OR1L8: variants seen among roughly 807,000 people sequenced by gnomAD.
The protein encoded by OR1L8 is olfactory receptor 1L8.
For missense variants in OR1L8, 330 were observed against 377.4 expected, an observed-to-expected ratio of 0.87 and a Z score of 1.04; for synonymous variants, 148 against 147.0, an observed-to-expected ratio of 1.01 and a Z score of -0.05.
the OR1L8 span, among the ~76,000 whole-genome samples, chr9:122,552,909 A>T: frequency 6.7e-6 from 1 of 149,136 alleles, no homozygotes; most frequent in Non-Finnish European, 1.5e-5. Context: ...ACTTCCTCTA[A>T]ATAGCCCATG....
At chr9:122,565,693 A>G (rs1829418170), downstream of OR1L8, among the ~76,000 whole-genome samples, 1 of 152,250 alleles carries the variant, frequency 6.6e-6, no homozygotes, top group Non-Finnish European at 1.5e-5. Context: ...AATACCTGAC[A>G]GGTAGTTTTT....
At chr9:122,579,369 A>G (rs1217143613) in intron 1 of OR1L8, among the ~76,000 whole-genome samples, 1 of 152,130 alleles carries the variant, frequency 6.6e-6, no homozygotes, top group Non-Finnish European at 1.5e-5. Context: ...ATTTTGCACT[A>G]ACTTTTTAAG....
chr9:122,563,548 C>T (rs1829385210), downstream of OR1L8, among the ~76,000 whole-genome samples: 1 of 152,190 alleles, frequency 6.6e-6, no homozygotes, highest in African/African-American at 2.4e-5. Flanking sequence ...AATATTTTCT[C>T]CCATCCTGTA....
At chr9:122,575,702 T>A (rs1748530829) in intron 3 of OR1L8, among the ~76,000 whole-genome samples, 1 of 152,198 alleles carries the variant, frequency 6.6e-6, no homozygotes, top group Non-Finnish European at 1.5e-5. Flanking sequence ...GTAAAGTGGT[T>A]ATTATTATGA....
Position 122,567,613 on chromosome 9 carries a change from T to A in OR1L8, c.865A>T (p.Ile289Phe). Residue 289 changes from isoleucine (I) to phenylalanine (F), a missense_variant, in exon 5 of 5, where the codon ATC (isoleucine) becomes TTC (phenylalanine). Transcript: ENST00000641027. ...AGGTCTTTGTTTCTCAGGCTGTAGA[T>A]AAAAGGATTGAGCATGGATGACAAA... ...TVLSSMLNPFIYSLRNKDLKQ... is the reference protein window; with the variant it reads ...TVLSSMLNPFFYSLRNKDLKQ... 6.2e-7 allele frequency: 1 copy of A among 1,613,252 alleles called. No homozygotes were observed. Among genetic ancestry groups the A allele is most frequent in the Non-Finnish European group, 8.5e-7 (1 of 1,179,760 alleles).
At chr9:122,553,403 C>G in the OR1L8 span, 2 of 1,614,058 alleles carry the variant, frequency 1.2e-6, no homozygotes, top group Admixed American at 1.7e-5. Context: ...CCATGTACTT[C>G]TTTCTGGCCA....
chr9:122,581,869 G>A (rs1391593903), intron 1 of OR1L8, among the ~76,000 whole-genome samples: 1 of 151,996 alleles, frequency 6.6e-6, no homozygotes, highest in East Asian at 1.9e-4. Flanking sequence ...CCGAGATCAC[G>A]ACACTGCACT....
chr9:122,555,245 G>A, the OR1L8 span, among the ~76,000 whole-genome samples: 2 of 152,146 alleles, frequency 1.3e-5, no homozygotes, highest in African/African-American at 4.8e-5. Flanking sequence ...TGCCCTTTTG[G>A]TGTTGTACAA....
chr9:122,564,119 G>C (rs1317566738), downstream of OR1L8, among the ~76,000 whole-genome samples: 2 of 152,118 alleles, frequency 1.3e-5, no homozygotes, highest in Non-Finnish European at 2.9e-5. Flanking sequence ...CTGGACACTG[G>C]CTCTCAACTG....
the OR1L8 span, among the ~76,000 whole-genome samples, chr9:122,550,098 G>A: frequency 2.0e-5 from 3 of 151,950 alleles, no homozygotes; most frequent in African/African-American, 7.2e-5. Context: ...TATAATCCTA[G>A]GTATCATCAG....
At chr9:122,549,848 T>A in the OR1L8 span, among the ~76,000 whole-genome samples, 1 of 152,196 alleles carries the variant, frequency 6.6e-6, no homozygotes, top group South Asian at 2.1e-4. Context: ...ATTTGTGATC[T>A]TTTTTGGTTC....
In OR1L8 at chr9:122,567,611, G is replaced by A; in HGVS notation, c.867C>T (p.Ile289=). 1.2e-6 allele frequency: 2 copies of A among 1,613,094 alleles called. No individual in the cohort carries two copies. Among genetic ancestry groups the A allele is most frequent in the Non-Finnish European group, 1.7e-6 (2 of 1,179,678 alleles). The change falls in exon 5 of 5, where the codon ATC becomes ATT. Residue 289 remains isoleucine, a synonymous_variant. Transcript: ENST00000641027. ...TCAGGTCTTTGTTTCTCAGGCTGTA[G>A]ATAAAAGGATTGAGCATGGATGACA... is the stretch of plus-strand genomic sequence containing the variant. ...TVLSSMLNPF[I]YSLRNKDLKQ... is the part of the protein sequence containing the mutation.
rs1465612761 is a variant in OR1L8 at position 122,568,467 on chromosome 9, A to G, written c.11T>C (p.Ile4Thr). 1.9e-6 allele frequency: 3 copies of G among 1,572,406 alleles called. No individual in the cohort carries two copies. The highest frequency in any genetic ancestry group is 2.6e-6 in the Non-Finnish European group (3 of 1,158,390). Residue 4 changes from isoleucine to threonine, a missense_variant, in exon 5 of 5, where the codon ATC (isoleucine) becomes ACC (threonine). By Grantham distance (89) the Ile-to-Thr change is moderately conservative. Coordinates refer to ENST00000641027, the MANE Select transcript of OR1L8 (RefSeq NM_001004454.2). Reference protein sequence around the residue: MERINHTSSVSEFI... With the variant: MERTNHTSSVSEFI... ...CTCGGAGACACTGCTGGTGTGGTTG[A>G]TTCTTTCCATTGACTTGGGCTCAGT...
At chr9:122,555,417 G>A in the OR1L8 span, among the ~76,000 whole-genome samples, 1 of 152,154 alleles carries the variant, frequency 6.6e-6, no homozygotes, top group Non-Finnish European at 1.5e-5. Flanking sequence ...CCTTGAATTA[G>A]GTGACTTGGC....
the OR1L8 span, among the ~76,000 whole-genome samples, chr9:122,559,210 TA>T: frequency 6.6e-6 from 1 of 152,166 alleles, no homozygotes; most frequent in Non-Finnish European, 1.5e-5. Context: ...CCACTCCTCC[TA>T]AATCTTCAGC....
intron 3 of OR1L8, among the ~76,000 whole-genome samples, chr9:122,573,497 G>A (rs1056348427): frequency 6.6e-6 from 1 of 152,206 alleles, no homozygotes; most frequent in African/African-American, 2.4e-5. Context: ...CAGATGACAT[G>A]AGATGGAGCA....
chr9:122,547,487 G>A, the OR1L8 span, among the ~76,000 whole-genome samples: 1 of 152,014 alleles, frequency 6.6e-6, no homozygotes, highest in African/African-American at 2.4e-5. Context: ...CCAGAATATG[G>A]TACATTGTAC....
chr9:122,555,837 G>A, the OR1L8 span, among the ~76,000 whole-genome samples: 1 of 152,168 alleles, frequency 6.6e-6, no homozygotes, highest in Non-Finnish European at 1.5e-5. Flanking sequence ...CCTCACCAGA[G>A]TGGTACATTT....
chr9:122,550,478 A>G, the OR1L8 span, among the ~76,000 whole-genome samples: 1 of 152,170 alleles, frequency 6.6e-6, no homozygotes, highest in Admixed American at 6.6e-5. Context: ...TTGTGGTGAC[A>G]ATAGATGCAA....
Sources: gnomAD v4.1 joint callset for allele counts (sites outside exome capture counted in the v4.1 genomes callset) on GRCh38, gnomAD v4.1.1 for gene constraint, MANE v1.5 for transcripts, NCBI Gene and HGNC (gene_info 2026-07-23, HGNC 2026-07-21) for gene names.